ZNF416: variants seen among roughly 807,000 people sequenced by gnomAD.
ZNF416 encodes zinc finger protein 416.
A neutral mutation model predicts 10.9 loss-of-function variants in ZNF416; 5 were observed. The observed-to-expected ratio is 0.46, with a 90% CI of 0.24 to 0.97. The LOEUF (loss-of-function observed/expected upper bound fraction) is 0.97. Ranked by LOEUF, ZNF416 falls within the 50% of genes least tolerant of loss-of-function variation. The pLI is 0.19. For missense variants in ZNF416, 675 were observed against 715.0 expected, an observed-to-expected ratio of 0.94 and a Z score of 0.64; for synonymous variants, 267 against 251.8, an observed-to-expected ratio of 1.06 and a Z score of -0.57.
At position 57,572,120 on chromosome 19, in the gene ZNF416, TAAAC is replaced by T. The variant is rs763675926; in HGVS notation, c.1780_1783del (p.Val594AsnfsTer3). The T allele has an allele frequency of 1.9e-6, 3 of 1,607,136 alleles. No individual in the cohort carries two copies. The highest frequency in any genetic ancestry group is 2.6e-6 in the Non-Finnish European group (3 of 1,174,440). On this transcript the variant is annotated frameshift_variant and stop_lost, in exon 4 of 4. Coordinates refer to ENST00000196489, the MANE Select transcript of ZNF416 (RefSeq NM_017879.3). LOFTEE classifies it high-confidence loss of function. This position sits in a 1 kb window ranked among gnomAD's most constrained non-coding sequence, Gnocchi z 4.5. ...TTCTCAGGTTTGGAGTTTCAAGAGT[TAAAC>T]AATGTTAGATCTTGGGCTGTAGGGT...
rs930705929 is a variant in ZNF416 at position 57,575,388 on chromosome 19, A to C, written c.202+416T>G. On this transcript the variant is annotated intron_variant, in intron 3 of 3. Coordinates refer to ENST00000196489, the MANE Select transcript of ZNF416 (RefSeq NM_017879.3). This position sits in a 1 kb window ranked among gnomAD's most constrained non-coding sequence, Gnocchi z 4.4. ...GAACACAAGAAAGAAAATTAATATC[A>C]CACAGATCCTTGAAGGAGGTTCTGG... Among the ~76,000 whole-genome samples, 1 of 152,174 alleles carries C rather than the reference A, an allele frequency of 6.6e-6. No individual in the cohort carries two copies. Among genetic ancestry groups the C allele is most frequent in the Non-Finnish European group, 1.5e-5 (1 of 68,016 alleles).
At position 57,578,730 on chromosome 19, in the gene ZNF416, G is replaced by A; in HGVS notation, c.-26C>T. On this transcript the variant is annotated 5_prime_UTR_variant, in exon 1 of 4. Coordinates refer to ENST00000196489, the MANE Select transcript of ZNF416 (RefSeq NM_017879.3). ...CGGATTGTGAGCGGAGCGGGGCCGG[G>A]AGCGGCGGGCGACCCGGGGCGGGAA... 6.8e-7 allele frequency: 1 copy of A among 1,466,544 alleles called. No individual in the cohort carries two copies. Among genetic ancestry groups the A allele is most frequent in the Non-Finnish European group, 9.1e-7 (1 of 1,104,634 alleles). The allele number at this position is 1,466,544 out of a possible 1,614,324, so 90.8% of individuals were successfully genotyped here. A position where few individuals can be genotyped will look rare whatever the true frequency, so the allele number is the denominator to read the frequency against.
chr19:57,573,255 A>T lies in ZNF416; in HGVS notation c.649T>A (p.Trp217Arg). Residue 217 changes from tryptophan (W) to arginine (R), a missense_variant, in exon 4 of 4, where the codon TGG (tryptophan) becomes AGG (arginine). Coordinates refer to ENST00000196489, the MANE Select transcript of ZNF416 (RefSeq NM_017879.3). ...AFHVGISHYK[W>R]SQCRRESSHK... ...CTGGACTCTCTCCTGCATTGACTCC[A>T]CTTGTAATGACTTATTCCAACATGA... 1 of 1,614,218 alleles carries T rather than the reference A, an allele frequency of 6.2e-7. No individual in the cohort carries two copies. The highest frequency in any genetic ancestry group is 1.6e-4 in the Middle Eastern group (1 of 6,062).
rs1978659354 is a variant in ZNF416, at chr19:57,578,874, CACCAAAATT to C, written c.-179_-171del. 2 of 560,198 alleles carry C rather than the reference CACCAAAATT, an allele frequency of 3.6e-6. No homozygotes were observed. The highest frequency in any genetic ancestry group is 4.3e-5 in the Admixed American group (1 of 23,452). The allele number at this position is 560,198 out of a possible 1,614,324, so 34.7% of individuals were successfully genotyped here. A position where few individuals can be genotyped will look rare whatever the true frequency, so the allele number is the denominator to read the frequency against. On this transcript the variant is annotated 5_prime_UTR_variant, in exon 1 of 4. Transcript: ENST00000196489. Reference sequence around the variant, plus strand: ...GGCGGCGTGGGCCGAGGTAGAGAACCACCAAAATTACCATCTCGGAGCGGTGCCGGAAGT... The same window carrying C: ...GGCGGCGTGGGCCGAGGTAGAGAACCACCATCTCGGAGCGGTGCCGGAAGT...
rs2090194378 is a variant in ZNF416 at position 57,571,808 on chromosome 19, G to A, written c.*311C>T. The stretch of plus-strand genomic sequence containing the variant: ...GGAAGGAATTCCCCTTAAAGGCTCA[G>A]ACTGCTCAAGGAATTTCCTCCAAGG... On this transcript the variant is annotated 3_prime_UTR_variant, in exon 4 of 4. Coordinates refer to ENST00000196489, the MANE Select transcript of ZNF416 (RefSeq NM_017879.3). The A allele has an allele frequency of 3.3e-6, 1 of 303,922 alleles. No individual in the cohort carries two copies. 18.8% of individuals were successfully genotyped at this position (303,922 alleles called of 1,614,324 possible). A position where few individuals can be genotyped will look rare whatever the true frequency, so the allele number is the denominator to read the frequency against.
In ZNF416 at chr19:57,573,271, T is replaced by A. The variant is rs1417347436; in HGVS notation, c.633A>T (p.Gly211=). Reference sequence around the variant, plus strand: ...ATTGACTCCACTTGTAATGACTTATTCCAACATGAAAGGCCTCCTCACATT... The same window carrying A: ...ATTGACTCCACTTGTAATGACTTATACCAACATGAAAGGCCTCCTCACATT... ...ISKCEEAFHV[G]ISHYKWSQCR... Residue 211 remains glycine (G), a synonymous_variant, in exon 4 of 4, where the codon GGA becomes GGT. Coordinates refer to ENST00000196489, the MANE Select transcript of ZNF416 (RefSeq NM_017879.3). 6.2e-7 allele frequency: 1 copy of A among 1,614,242 alleles called. No homozygotes were observed. The highest frequency in any genetic ancestry group is 1.7e-5 in the Admixed American group (1 of 60,030).
rs367843112 is a variant in ZNF416 at position 57,573,610 on chromosome 19, T to A, written c.294A>T (p.Pro98=). 17 of 1,614,066 alleles carry A rather than the reference T, an allele frequency of 1.1e-5. No individual in the cohort carries two copies. Among genetic ancestry groups the A allele is most frequent in the South Asian group, 5.5e-5 (5 of 91,092 alleles). The change falls in exon 4 of 4, where the codon CCA becomes CCT. Residue 98 remains proline (P), a synonymous_variant. Transcript: ENST00000196489. ...CACAGGATTGAATCTTCTGGGTGGA[T>A]GGACTGGCCTCTGGAGTCCTGACCT... ...VPQVRTPEAS[P]STQKIQSCDM...
At position 57,572,779 on chromosome 19, in the gene ZNF416, A is replaced by T; in HGVS notation, c.1125T>A (p.Thr375=). 1 of 1,614,156 alleles carries T rather than the reference A, an allele frequency of 6.2e-7. No homozygotes were observed. Among genetic ancestry groups the T allele is most frequent in the Non-Finnish European group, 8.5e-7 (1 of 1,180,028 alleles). The change falls in exon 4 of 4, where the codon ACT becomes ACA. Residue 375 remains threonine (T), a synonymous_variant. Coordinates refer to ENST00000196489, the MANE Select transcript of ZNF416 (RefSeq NM_017879.3). The surrounding 1 kb of genome is among the most constrained non-coding windows in gnomAD (Gnocchi z 4.5). Reference sequence around the variant, plus strand: ...ACTCATATGGCTTTTCTCCTGTGTGAGTTCTCTGGTGTCGAACAAGAGTGG... The same window carrying T: ...ACTCATATGGCTTTTCTCCTGTGTGTGTTCTCTGGTGTCGAACAAGAGTGG... ...SKSTLVRHQR[T]HTGEKPYECG...
At chr19:57,578,366 T>G in intron 1 of ZNF416, 1 of 573,310 alleles carries the variant, frequency 1.7e-6, no homozygotes, top group Non-Finnish European at 3.1e-6. Context: ...TCAGACCATG[T>G]GCCTCGTCTG....
Position 57,578,792 on chromosome 19 carries a change from G to A in ZNF416, c.-88C>T, listed in dbSNP as rs1405381415. 1 of 1,299,492 alleles carries A rather than the reference G, an allele frequency of 7.7e-7. No individual in the cohort carries two copies. Among genetic ancestry groups the A allele is most frequent in the South Asian group, 1.8e-5 (1 of 56,258 alleles). The allele number at this position is 1,299,492 out of a possible 1,614,324, so 80.5% of individuals were successfully genotyped here. On this transcript the variant is annotated 5_prime_UTR_variant, in exon 1 of 4. Coordinates refer to ENST00000196489, the MANE Select transcript of ZNF416 (RefSeq NM_017879.3). ...CTGCCACCAGCGCCAGCGACCCACC[G>A]GCTGATGCGCAGCGGGGCGACCCCC...
At position 57,573,093 on chromosome 19, in the gene ZNF416, C is replaced by T; in HGVS notation, c.811G>A (p.Glu271Lys). The stretch of plus-strand genomic sequence containing the variant: ...AAAGATTTCCCACATTCACTGCACT[C>T]ATAAGGCCTTTCTCCAGGGTGGACT... ...QRVHPGERPYECSECGKSFSQ... is the reference protein window; with the variant it reads ...QRVHPGERPYKCSECGKSFSQ... Residue 271 changes from glutamate (E) to lysine (K), a missense_variant, in exon 4 of 4, where the codon GAG becomes AAG. Physicochemically the swap from Glu to Lys is moderately conservative, Grantham distance 56 (BLOSUM62 1). Transcript: ENST00000196489. The T allele has an allele frequency of 6.2e-7, 1 of 1,614,242 alleles. No homozygotes were observed.
At position 57,573,546 on chromosome 19, in the gene ZNF416, T is replaced by C; in HGVS notation, c.358A>G (p.Thr120Ala). 1.2e-6 allele frequency: 2 copies of C among 1,614,174 alleles called. No individual in the cohort carries two copies. Among genetic ancestry groups the C allele is most frequent in the Non-Finnish European group, 1.7e-6 (2 of 1,180,028 alleles). ...TATAGTTCCTGCCCAGGCAAATCGGTCAGGTGCAAAATGTCGGTCAGGAAT... is the reference window on the plus strand; with the variant it reads ...TATAGTTCCTGCCCAGGCAAATCGGCCAGGTGCAAAATGTCGGTCAGGAAT... Reference protein sequence around the residue: ...VPFLTDILHLTDLPGQELYLT... With the variant: ...VPFLTDILHLADLPGQELYLT... Residue 120 changes from threonine (T) to alanine (A), a missense_variant, in exon 4 of 4, where the codon ACC becomes GCC. Physicochemically the swap from Thr to Ala is moderately conservative, Grantham distance 58 (BLOSUM62 0). Transcript: ENST00000196489.
rs1229665004 is a variant in ZNF416 at position 57,573,238 on chromosome 19, T to C, written c.666A>G (p.Arg222=). The part of the protein sequence containing the change: ...ISHYKWSQCR[R]ESSHKHTFFH... Reference sequence around the variant, plus strand: ...AAAAAGTGTGTTTGTGGCTGGACTCTCTCCTGCATTGACTCCACTTGTAAT... The same window carrying C: ...AAAAAGTGTGTTTGTGGCTGGACTCCCTCCTGCATTGACTCCACTTGTAAT... The change falls in exon 4 of 4, where the codon AGA becomes AGG. Residue 222 remains arginine, a synonymous_variant. Transcript: ENST00000196489. 11 of 1,614,144 alleles carry C rather than the reference T, an allele frequency of 6.8e-6. No homozygotes were observed. The highest frequency in any genetic ancestry group is 1.3e-5 in the African/African-American group (1 of 74,952).
Position 57,572,687 on chromosome 19 carries a change from G to A in ZNF416, c.1217C>T (p.Thr406Ile). Residue 406 changes from threonine (T) to isoleucine (I), a missense_variant, in exon 4 of 4, where the codon ACA (threonine) becomes ATA (isoleucine). By Grantham distance (89) the Thr-to-Ile change is moderately conservative. Transcript: ENST00000196489. The surrounding 1 kb of genome is among the most constrained non-coding windows in gnomAD (Gnocchi z 4.5). Reference sequence around the variant, plus strand: ...CTGGCCACACTCATAAGGCCTTGCTGTAGTGTGAATTCTCTGGTGTACAAC... The same window carrying A: ...CTGGCCACACTCATAAGGCCTTGCTATAGTGTGAATTCTCTGGTGTACAAC... ...SLVVHQRIHT[T>I]ARPYECGQCG... is the part of the protein sequence containing the mutation. 6.2e-7 allele frequency: 1 copy of A among 1,612,810 alleles called. No homozygotes were observed.
Position 57,578,861 on chromosome 19 carries a change from C to A in ZNF416, c.-157G>T. ...CGTTTCTAACTCAGGCGGCGTGGGC[C>A]GAGGTAGAGAACCACCAAAATTACC... On this transcript the variant is annotated 5_prime_UTR_variant, in exon 1 of 4. Transcript: ENST00000196489. 1.5e-6 allele frequency: 1 copy of A among 678,520 alleles called. No homozygotes were observed. Among genetic ancestry groups the A allele is most frequent in the Non-Finnish European group, 2.2e-6 (1 of 454,034 alleles). 42.0% of individuals were successfully genotyped at this position (678,520 alleles called of 1,614,324 possible).
In ZNF416 at chr19:57,573,434, G is replaced by GAA. The variant is rs761541430; in HGVS notation, c.469_470insTT (p.Ser157PhefsTer26). ...ATGGAACAGGCAGCACTGCACAAATGAGGCCTTGTCCATGTCACTTTCCAA... is the reference window on the plus strand; with the variant it reads ...ATGGAACAGGCAGCACTGCACAAATGAAAGGCCTTGTCCATGTCACTTTCCAA... On this transcript the variant is annotated frameshift_variant, in exon 4 of 4. Transcript: ENST00000196489. LOFTEE classifies it low-confidence loss of function (END_TRUNC). 3 of 1,614,244 alleles carry GAA rather than the reference G, an allele frequency of 1.9e-6. No homozygotes were observed. In the Admixed American group the frequency reaches 5.0e-5, roughly 27 times the overall value.
At position 57,572,733 on chromosome 19, in the gene ZNF416, A is replaced by T; in HGVS notation, c.1171T>A (p.Phe391Ile). The T allele has an allele frequency of 6.2e-7, 1 of 1,614,070 alleles. No homozygotes were observed. The highest frequency in any genetic ancestry group is 8.5e-7 in the Non-Finnish European group (1 of 1,180,010). ...ACAACAAGGCTGAAGCTTTGTCTGA[A>T]TAATTTCCCACATTCACCACACTCA... ...PYECGECGKL[F>I]RQSFSLVVHQ... The change falls in exon 4 of 4, where the codon TTC becomes ATC. Residue 391 changes from phenylalanine to isoleucine, a missense_variant. Coordinates refer to ENST00000196489, the MANE Select transcript of ZNF416 (RefSeq NM_017879.3). This position sits in a 1 kb window ranked among gnomAD's most constrained non-coding sequence, Gnocchi z 4.5.
intron 2 of ZNF416, 95 bp from the exon 3 acceptor site, chr19:57,576,025 A>G (rs192103782): frequency 1.1e-5 from 16 of 1,492,688 alleles, no homozygotes; most frequent in Middle Eastern, 3.6e-4. Context: ...TTATCCCCAT[A>G]CCTAAGCCCC....
At chr19:57,578,517 C>A (rs1383104376) in intron 1 of ZNF416, 155 bp downstream of exon 1, 2 of 829,054 alleles carry the variant, frequency 2.4e-6, no homozygotes, top group South Asian at 2.5e-5. Context: ...CCACAGCCCA[C>A]GACACCAGGC....
Sources: gnomAD v4.1 joint callset for allele counts (sites outside exome capture counted in the v4.1 genomes callset) on GRCh38, gnomAD v4.1.1 for gene constraint, Gnocchi (gnomAD v3.1) non-coding constraint, MANE v1.5 for transcripts, NCBI Gene and HGNC (gene_info 2026-07-23, HGNC 2026-07-21) for gene names.